PTPRT: variants seen among roughly 807,000 people sequenced by gnomAD.
The protein encoded by PTPRT is protein tyrosine phosphatase receptor type T, also known as receptor-type tyrosine-protein phosphatase T.
In PTPRT, 56 loss-of-function variants were observed where a neutral mutation model predicts 176.8. The observed-to-expected ratio is 0.32, with a 90% CI of 0.26 to 0.40. PTPRT has a LOEUF of 0.40. Among genes scored for constraint, PTPRT ranks in the 10% least tolerant of loss-of-function variants. The pLI is 1.00. For missense variants in PTPRT, 1,540 were observed against 1,908.2 expected (o/e 0.81, Z 3.60); for synonymous variants, 783 against 739.0 (o/e 1.06, Z -0.96).
At chr20:43,175,169 T>C (rs745414957) in intron 1 of PTPRT, among the ~76,000 whole-genome samples, 1 of 152,218 alleles carries the variant, frequency 6.6e-6, no homozygotes, top group Non-Finnish European at 1.5e-5. Flanking sequence ...TCCATGGAGA[T>C]GCCAGGAAAG....
At chr20:42,453,015 C>T (rs889121473) in intron 8 of PTPRT, among the ~76,000 whole-genome samples, 2 of 152,106 alleles carry the variant, frequency 1.3e-5, no homozygotes, top group Admixed American at 6.5e-5. Flanking sequence ...TGTTGTTTGG[C>T]TTTCTGTTCT....
intron 12 of PTPRT, among the ~76,000 whole-genome samples, chr20:42,307,085 A>G (rs556768283): frequency 3.5e-4 from 54 of 152,324 alleles, no homozygotes; most frequent in African/African-American, 1.3e-3. Context: ...AGGCTTAGTC[A>G]TCATGGAAAA....
At chr20:42,529,521 C>T (rs2072340511) in intron 7 of PTPRT, among the ~76,000 whole-genome samples, 1 of 152,110 alleles carries the variant, frequency 6.6e-6, no homozygotes, top group Admixed American at 6.6e-5. Context: ...GAGTCTCACT[C>T]TGCTGCCCCG....
chr20:42,074,650 C>T lies in PTPRT; in HGVS notation c.*6229G>A, dbSNP rs750488777. On this transcript the variant is annotated 3_prime_UTR_variant, in exon 31 of 31. Coordinates refer to ENST00000373187, the MANE Select transcript of PTPRT (RefSeq NM_007050.6). ...CTTGTATCTGCCCCAGTGGACCACC[C>T]CTGAGCTCTTAGATAGGTGGGATGC... 1.5e-5 allele frequency: 6 copies of T among 397,006 alleles called. No individual in the cohort carries two copies. Among genetic ancestry groups the T allele is most frequent in the Non-Finnish European group, 2.2e-5 (5 of 225,466 alleles). 24.6% of individuals were successfully genotyped at this position (397,006 alleles called of 1,614,324 possible).
rs189717205 is a variant in PTPRT, at chr20:42,876,424, G to A, written c.214+9383C>T. Among the ~76,000 whole-genome samples the A allele has an allele frequency of 1.1e-3, 161 of 152,234 alleles. 1 individual carries two copies. The highest frequency in any genetic ancestry group is 3.7e-3 in the African/African-American group (154 of 41,548). ...GCCAGTTACATGTGTCACAAGCAGT[G>A]CCACACATTCATGAGAGTGTGCCAG... On this transcript the variant is annotated intron_variant, in intron 2 of 30. Coordinates refer to ENST00000373187, the MANE Select transcript of PTPRT (RefSeq NM_007050.6).
intron 1 of PTPRT, among the ~76,000 whole-genome samples, chr20:43,133,347 A>G (rs957720696): frequency 2.6e-4 from 39 of 152,228 alleles, no homozygotes; most frequent in Non-Finnish European, 4.4e-5. Context: ...ATTCTTCTTC[A>G]TGCAAGTTAC....
chr20:42,732,783 C>T (rs536938724), intron 6 of PTPRT, among the ~76,000 whole-genome samples: 3 of 152,192 alleles, frequency 2.0e-5, no homozygotes, highest in South Asian at 2.1e-4. Context: ...AGAACTTAAA[C>T]GTGGTGGTAA....
At chr20:42,892,177 C>A (rs967190324) in intron 1 of PTPRT, among the ~76,000 whole-genome samples, 4 of 152,204 alleles carry the variant, frequency 2.6e-5, no homozygotes, top group Non-Finnish European at 5.9e-5. Context: ...TCATGTACAG[C>A]AGTACTAATA....
intron 1 of PTPRT, among the ~76,000 whole-genome samples, chr20:43,095,446 G>A (rs1183602140): frequency 2.6e-5 from 4 of 152,052 alleles, no homozygotes; most frequent in Admixed American, 6.6e-5. Context: ...CCAAGGCCTA[G>A]GGCCCACAAC....
intron 7 of PTPRT, among the ~76,000 whole-genome samples, chr20:42,632,216 T>A (rs1366729478): frequency 6.6e-6 from 1 of 152,098 alleles, no homozygotes. Flanking sequence ...CTTTCTCCTA[T>A]GCTGTTTTTG....
chr20:42,795,339 G>A (rs1600750166), intron 2 of PTPRT, among the ~76,000 whole-genome samples: 2 of 152,232 alleles, frequency 1.3e-5, no homozygotes, highest in African/African-American at 4.8e-5. Flanking sequence ...GCATAATAAT[G>A]CCTTGATAAG....
At chr20:42,320,362 C>G (rs938653828) in intron 11 of PTPRT, among the ~76,000 whole-genome samples, 1 of 152,156 alleles carries the variant, frequency 6.6e-6, no homozygotes, top group African/African-American at 2.4e-5. Flanking sequence ...GACCAGGGAC[C>G]TATCAGAGCC....
intron 1 of PTPRT, among the ~76,000 whole-genome samples, chr20:43,068,381 C>G (rs937956497): frequency 6.6e-6 from 1 of 151,168 alleles, no homozygotes; most frequent in Non-Finnish European, 1.5e-5. Context: ...GGCGGGGAAC[C>G]TGTAGTCCCA....
intron 1 of PTPRT, among the ~76,000 whole-genome samples, chr20:43,006,393 A>C (rs1194866333): frequency 6.6e-6 from 1 of 152,200 alleles, no homozygotes; most frequent in African/African-American, 2.4e-5. Flanking sequence ...TCAAAACCCA[A>C]GGAAAGAATC....
At chr20:42,730,287 C>T (rs2076441094) in intron 6 of PTPRT, among the ~76,000 whole-genome samples, 1 of 152,052 alleles carries the variant, frequency 6.6e-6, no homozygotes. Context: ...GAAATAAGAC[C>T]ACCAAAAGGG....
chr20:42,366,787 C>G (rs6016762), intron 9 of PTPRT, among the ~76,000 whole-genome samples: 6 of 152,118 alleles, frequency 3.9e-5, no homozygotes, highest in African/African-American at 1.4e-4. Flanking sequence ...AAGCTGATTG[C>G]GAAGGCTATA....
At chr20:42,662,165 C>T (rs2075235337) in intron 7 of PTPRT, among the ~76,000 whole-genome samples, 1 of 152,196 alleles carries the variant, frequency 6.6e-6, no homozygotes, top group South Asian at 2.1e-4. Context: ...AGTTAACTCA[C>T]CTGCAGAAAT....
At chr20:42,404,233 G>A (rs1291958388) in intron 9 of PTPRT, among the ~76,000 whole-genome samples, 1 of 152,140 alleles carries the variant, frequency 6.6e-6, no homozygotes, top group Non-Finnish European at 1.5e-5. Flanking sequence ...TTCTAGGCTT[G>A]ATTCATGAGA....
intron 12 of PTPRT, among the ~76,000 whole-genome samples, chr20:42,315,184 C>CAAAAAAAAAAAAAAAA (rs71193656): frequency 3.2e-5 from 2 of 63,396 alleles, no homozygotes; most frequent in African/African-American, 1.4e-4. Flanking sequence ...GGCTCCGTCT[C>CAAAAAAAAAAAAAAAA]AAAAAAAAAA....
Sources: gnomAD v4.1 joint callset for allele counts (sites outside exome capture counted in the v4.1 genomes callset) on GRCh38, gnomAD v4.1.1 for gene constraint, MANE v1.5 for transcripts, NCBI Gene and HGNC (gene_info 2026-07-23, HGNC 2026-07-21) for gene names.